The following TRIM66 variants were observed in gnomAD, a reference collection of about 807,000 sequenced individuals.
TRIM66 encodes tripartite motif containing 66.
Under a neutral mutation model 148.2 loss-of-function variants are expected in TRIM66, and 99 were observed. The observed-to-expected ratio is 0.67, with a 90% confidence interval of 0.57 to 0.79. The LOEUF is 0.79. TRIM66 is among the 30% of genes least tolerant of loss of function. The pLI is 0.00. For synonymous variants in TRIM66, 616 were observed against 635.9 expected (o/e 0.97, Z 0.47); for missense variants, 1,666 against 1,697.9 (o/e 0.98, Z 0.33).
At chr11:8,669,812 C>T (rs1469384377) in intron 6 of TRIM66, among the ~76,000 whole-genome samples, 1 of 152,032 alleles carries the variant, frequency 6.6e-6, no homozygotes, top group Admixed American at 6.6e-5. Context: ...TCTCCTCTGC[C>T]CTTAGGCACT....
At chr11:8,648,151 C>T (rs778610486) in intron 9 of TRIM66, 65 bp from the exon 10 acceptor site, 9 of 1,363,904 alleles carry the variant, frequency 6.6e-6, no homozygotes, top group South Asian at 1.3e-5. Flanking sequence ...GCCAACCAAG[C>T]GGGAATCTCC....
At position 8,616,729 on chromosome 11, in the gene TRIM66, CCT is replaced by C. The variant is rs1459894466; in HGVS notation, c.*1213_*1214del. On this transcript the variant is annotated 3_prime_UTR_variant, in exon 25 of 25. Coordinates refer to ENST00000646038, the MANE Select transcript of TRIM66 (RefSeq NM_001388022.1). ...GGCTTTTTGCCTCTTGATTTTTCCC[CCT>C]GTCCACCTTAGACAAACTTCCCCCA... The C allele has an allele frequency of 1.3e-5, 2 of 152,260 alleles. No homozygotes were observed. Among genetic ancestry groups the C allele is most frequent in the East Asian group, 3.9e-4 (2 of 5,184 alleles). 9.4% of individuals were successfully genotyped at this position (152,260 alleles called of 1,614,324 possible). A position where few individuals can be genotyped will look rare whatever the true frequency, so the allele number is the denominator to read the frequency against.
intron 10 of TRIM66, among the ~76,000 whole-genome samples, chr11:8,647,752 T>C (rs1026118035): frequency 1.3e-5 from 2 of 152,216 alleles, no homozygotes; most frequent in African/African-American, 4.8e-5. Context: ...CTGATCATCC[T>C]GACCTAGCTT....
chr11:8,645,685 G>A, intron 12 of TRIM66, 56 bp downstream of exon 12: 12 of 1,544,796 alleles, frequency 7.8e-6, no homozygotes, highest in Non-Finnish European at 1.1e-5. Context: ...CTCTGACAAA[G>A]GGGATGCTCT....
chr11:8,639,332 G>C (rs1171335974), intron 14 of TRIM66, among the ~76,000 whole-genome samples: 1 of 152,214 alleles, frequency 6.6e-6, no homozygotes, highest in African/African-American at 2.4e-5. Flanking sequence ...GAAAAAGTGA[G>C]AGAAGGGTAG....
intron 6 of TRIM66, among the ~76,000 whole-genome samples, chr11:8,657,275 T>C (rs1227607332): frequency 6.6e-6 from 1 of 152,166 alleles, no homozygotes; most frequent in East Asian, 1.9e-4. Context: ...GAAGACTTCA[T>C]TCCACAGCTC....
At chr11:8,657,750 T>C (rs190089524) in intron 6 of TRIM66, among the ~76,000 whole-genome samples, 1 of 151,974 alleles carries the variant, frequency 6.6e-6, no homozygotes, top group South Asian at 2.1e-4. Flanking sequence ...CCCTGAAGGC[T>C]TCCTCCAACC....
intron 6 of TRIM66, chr11:8,663,136 C>G (rs1264093944): frequency 3.3e-5 from 5 of 152,248 alleles, no homozygotes; most frequent in African/African-American, 9.6e-5. Flanking sequence ...TACCTTTGCT[C>G]TGGTCCCCAT....
At chr11:8,645,249 T>G (rs1165395525) in intron 12 of TRIM66, among the ~76,000 whole-genome samples, 1 of 152,204 alleles carries the variant, frequency 6.6e-6, no homozygotes. Flanking sequence ...TACAGGCACC[T>G]TAGATTCAAA....
chr11:8,629,895 G>A (rs2035231659), intron 15 of TRIM66, among the ~76,000 whole-genome samples: 1 of 152,212 alleles, frequency 6.6e-6, no homozygotes, highest in Admixed American at 6.5e-5. Flanking sequence ...GGGACTCAGA[G>A]AAAGTGCTGT....
upstream of TRIM66, chr11:8,682,836 C>T (rs777387958): frequency 1.5e-4 from 238 of 1,609,430 alleles, no homozygotes; most frequent in Non-Finnish European, 1.9e-4. Flanking sequence ...TCGTTTCTTG[C>T]CTCCTCTTCC....
At chr11:8,660,555 A>G (rs1592173079) in intron 6 of TRIM66, among the ~76,000 whole-genome samples, 1 of 152,242 alleles carries the variant, frequency 6.6e-6, no homozygotes. Flanking sequence ...CTTTTCTGCT[A>G]CAATGGTAGA....
chr11:8,673,627 GCAC>G (rs563360705), intron 4 of TRIM66, among the ~76,000 whole-genome samples: 53 of 152,298 alleles, frequency 3.5e-4, no homozygotes, highest in African/African-American at 1.2e-3. Flanking sequence ...ACAAGAGTGA[GCAC>G]CACATTTAAG....
intron 18 of TRIM66, 50 bp from the exon 19 acceptor site, chr11:8,621,869 C>G (rs753384146): frequency 1.5e-4 from 214 of 1,466,840 alleles, no homozygotes; most frequent in Non-Finnish European, 1.7e-4. Context: ...TCCTCTGGTC[C>G]CAACCTCTAA....
chr11:8,638,616 G>A, intron 15 of TRIM66, 38 bp downstream of exon 15: 1 of 1,533,706 alleles, frequency 6.5e-7, no homozygotes, highest in Non-Finnish European at 8.8e-7. Flanking sequence ...GCTGGCAGTG[G>A]GTCCCATGTA....
chr11:8,674,001 C>T (rs1043610182), intron 4 of TRIM66, among the ~76,000 whole-genome samples: 11 of 152,200 alleles, frequency 7.2e-5, no homozygotes, highest in Admixed American at 5.9e-4. Flanking sequence ...GATAGACCTG[C>T]ACTTCTAATT....
In TRIM66 at chr11:8,612,917, C is replaced by G. The variant is rs755847423; in HGVS notation, c.*5027G>C. ...CTGGTAATCCAGTTTAGCCAGACTG[C>G]GGCCTGGATGCTGTAAAACCTAATC... On this transcript the variant is annotated 3_prime_UTR_variant, in exon 25 of 25. Transcript: ENST00000646038. The G allele has an allele frequency of 6.6e-6, 1 of 152,270 alleles. No individual in the cohort carries two copies. Among genetic ancestry groups the G allele is most frequent in the Non-Finnish European group, 1.5e-5 (1 of 68,100 alleles). The allele number at this position is 152,270 out of a possible 1,614,324, so 9.4% of individuals were successfully genotyped here.
chr11:8,654,893 C>T lies in TRIM66; in HGVS notation c.341-2990G>A, dbSNP rs72856558. On this transcript the variant is annotated intron_variant, in intron 6 of 24. Transcript: ENST00000646038. ...TGTTTTTTTTTGACGTGGAGTCTTG[C>T]TCTGTCACCCAGGGTGGACTGCAGC... is the stretch of plus-strand genomic sequence containing the variant. 6.7e-3 allele frequency among the ~76,000 whole-genome samples: 1,020 copies of T among 152,144 alleles called. 4 individuals are homozygous for T. The highest frequency in any genetic ancestry group is 0.011 in the Non-Finnish European group (744 of 67,984).
At chr11:8,648,362 A>G (rs1248022303) in intron 9 of TRIM66, 54 bp downstream of exon 9, 3 of 1,537,546 alleles carry the variant, frequency 2.0e-6, no homozygotes, top group Non-Finnish European at 2.6e-6. Context: ...AGCTCTCACA[A>G]GTAAGAAATC....
Sources: allele counts gnomAD v4.1 joint callset (sites outside exome capture counted in the v4.1 genomes callset), GRCh38; gene constraint gnomAD v4.1.1; transcripts MANE v1.5; gene names NCBI Gene and HGNC (gene_info 2026-07-23, HGNC 2026-07-21).